CLBA1: variants seen among roughly 807,000 people sequenced by gnomAD.
CLBA1 encodes uncharacterized protein CLBA1.
In CLBA1, 30 loss-of-function variants were observed where a neutral mutation model predicts 28.8. The ratio of observed to expected loss-of-function variants is 1.04; its 90% confidence interval spans 0.78 to 1.41. The LOEUF is 1.41. Among genes scored for constraint, CLBA1 ranks in the 40% most tolerant of loss-of-function variants. The pLI is 0.00. For synonymous variants in CLBA1, 160 were observed against 152.8 expected (o/e 1.05, Z -0.35); for missense variants, 451 against 412.3 (o/e 1.09, Z -0.81).
At position 104,986,199 on chromosome 14, in the gene CLBA1, AG is replaced by A. The variant is rs1227966265; in HGVS notation, c.-231del. The A allele has an allele frequency of 1.7e-6, 1 of 574,734 alleles. No individual in the cohort carries two copies. Among genetic ancestry groups the A allele is most frequent in the Non-Finnish European group, 3.1e-6 (1 of 321,900 alleles). 35.6% of individuals were successfully genotyped at this position (574,734 alleles called of 1,614,324 possible). A position where few individuals can be genotyped will look rare whatever the true frequency, so the allele number is the denominator to read the frequency against. On this transcript the variant is annotated 5_prime_UTR_variant, in exon 1 of 5. Transcript: ENST00000547315. ...CGGACTCCGCGCCCGCCTGCGTGGG[AG>A]GAAGCCAGGACTCCCGGGCGACCGG...
chr14:104,986,551 G>T lies in CLBA1; in HGVS notation c.120G>T (p.Arg40=), dbSNP rs771819141. The change falls in exon 1 of 5, where the codon CGG becomes CGT. Residue 40 remains arginine, a synonymous_variant. Coordinates refer to ENST00000547315, the MANE Select transcript of CLBA1 (RefSeq NM_174891.4). ...RLSDDSLEWR[R]TCPDLLLSDG... ...GTGATGACAGTTTGGAATGGAGACG[G>T]ACCTGCCCCGACCTTCTCCTGTCCG... 2 of 1,614,016 alleles carry T rather than the reference G, an allele frequency of 1.2e-6. No individual in the cohort carries two copies.
intron 1 of CLBA1, among the ~76,000 whole-genome samples, chr14:104,988,506 A>G (rs1319985308): frequency 6.6e-6 from 1 of 151,844 alleles, no homozygotes; most frequent in Non-Finnish European, 1.5e-5. Context: ...CACCCAGCTA[A>G]TTTTTGTATT....
At chr14:104,998,074 A>G (rs1900186610), downstream of CLBA1, among the ~76,000 whole-genome samples, 1 of 152,028 alleles carries the variant, frequency 6.6e-6, no homozygotes, top group Non-Finnish European at 1.5e-5. Flanking sequence ...ATCAGCCAGG[A>G]TACAGAAACC....
At chr14:104,992,218 T>C (rs35153311) in intron 3 of CLBA1, among the ~76,000 whole-genome samples, 26,299 of 138,044 alleles carry the variant, frequency 0.19, 2,527 homozygotes, top group African/African-American at 0.26. Context: ...ACCACTCACA[T>C]GCCGCCACGC....
At chr14:104,996,129 G>A (rs1900151607), downstream of CLBA1, among the ~76,000 whole-genome samples, 1 of 152,196 alleles carries the variant, frequency 6.6e-6, no homozygotes, top group African/African-American at 2.4e-5. Flanking sequence ...CTGGATGTTG[G>A]TGACCCACAG....
At position 104,985,791 on chromosome 14, in the gene CLBA1, C is replaced by A; in HGVS notation, c.-641C>A. 3.7e-6 allele frequency: 1 copy of A among 268,580 alleles called. No individual in the cohort carries two copies. The highest frequency in any genetic ancestry group is 7.8e-6 in the Non-Finnish European group (1 of 127,688). 16.6% of individuals were successfully genotyped at this position (268,580 alleles called of 1,614,324 possible). On this transcript the variant is annotated 5_prime_UTR_variant, in exon 1 of 5. Transcript: ENST00000547315. The stretch of plus-strand genomic sequence containing the variant: ...GGAGCTGGCGCACGCCGTTGCCAGG[C>A]AACGGGGCGGCGCAGGCAGGAGGGA...
Position 105,000,609 on chromosome 14 carries a change from T to TTA in CLBA1, n.216+7554_216+7555dup, listed in dbSNP as rs543139173. Among the ~76,000 whole-genome samples, 60 of 152,112 alleles carry TTA rather than the reference T, an allele frequency of 3.9e-4. 1 individual carries two copies. In the South Asian group the frequency reaches 0.012, roughly 31 times the overall value. ...TCCAAAAATATATATATATCTATTTTTATATATATACACACACACAAATGA... is the reference window on the plus strand; with the variant it reads ...TCCAAAAATATATATATATCTATTTTTATATATATATACACACACACAAATGA... On this transcript the variant is annotated intron_variant and non_coding_transcript_variant, in intron 2 of 2. Transcript: ENST00000548178.
Position 104,991,639 on chromosome 14 carries a change from C to T in CLBA1, c.699+19C>T, listed in dbSNP as rs1303814832. 17 of 1,596,000 alleles carry T rather than the reference C, an allele frequency of 1.1e-5. No homozygotes were observed. Among genetic ancestry groups the T allele is most frequent in the Admixed American group, 1.7e-5 (1 of 57,740 alleles). On this transcript the variant is annotated intron_variant, in intron 3 of 4. Coordinates refer to ENST00000547315, the MANE Select transcript of CLBA1 (RefSeq NM_174891.4). Reference sequence around the variant, plus strand: ...GCAGAAGGTAGGCGGTTTGGGTTGACACAGGGCTCCTGGGAGTGTGGTTGA... The same window carrying T: ...GCAGAAGGTAGGCGGTTTGGGTTGATACAGGGCTCCTGGGAGTGTGGTTGA...
At chr14:104,999,563 A>G (rs1900228299), downstream of CLBA1, 1 of 152,292 alleles carries the variant, frequency 6.6e-6, no homozygotes, top group Admixed American at 6.5e-5. Flanking sequence ...CAGTGGCCTG[A>G]CAGATCCCAG....
In CLBA1 at chr14:104,986,520, G is replaced by A. The variant is rs1899866049; in HGVS notation, c.89G>A (p.Arg30Lys). The A allele has an allele frequency of 1.9e-6, 3 of 1,613,924 alleles. No individual in the cohort carries two copies. The highest frequency in any genetic ancestry group is 1.7e-6 in the Non-Finnish European group (2 of 1,180,024). Reference protein sequence around the residue: ...ASASLRVAPERLSDDSLEWRR... With the variant: ...ASASLRVAPEKLSDDSLEWRR... ...GCTTCCCTCCGAGTGGCACCTGAGAGGCTGAGTGATGACAGTTTGGAATGG... is the reference window on the plus strand; with the variant it reads ...GCTTCCCTCCGAGTGGCACCTGAGAAGCTGAGTGATGACAGTTTGGAATGG... Residue 30 changes from arginine to lysine, a missense_variant, in exon 1 of 5, where the codon AGG (arginine) becomes AAG (lysine). Coordinates refer to ENST00000547315, the MANE Select transcript of CLBA1 (RefSeq NM_174891.4).
intron 2 of CLBA1, among the ~76,000 whole-genome samples, chr14:105,001,083 AAAAAAATG>A (rs1900258315): frequency 6.6e-6 from 1 of 151,710 alleles, no homozygotes; most frequent in Non-Finnish European, 1.5e-5. Flanking sequence ...AAAAAAAAAA[AAAAAAATG>A]AAATCCTCTC....
chr14:104,991,402 G>C, intron 2 of CLBA1, 89 bp from the exon 3 acceptor site: 1 of 1,534,360 alleles, frequency 6.5e-7, no homozygotes, highest in Non-Finnish European at 8.9e-7. Flanking sequence ...GTAAAGGCCA[G>C]GCGCCCCGCT....
downstream of CLBA1, chr14:104,999,105 T>C (rs1900217896): frequency 1.7e-6 from 1 of 579,744 alleles, no homozygotes. Context: ...AGGCTTGCAT[T>C]GAGGCTGACA....
Position 104,994,687 on chromosome 14 carries a change from C to T in CLBA1, c.906C>T (p.Ile302=), listed in dbSNP as rs761723389. ...KTPSCGGGQH[I]TIPRKRMFTP... is the part of the protein sequence containing the mutation. Reference sequence around the variant, plus strand: ...CCTCATGCGGAGGTGGCCAGCACATCACTATTCCAAGGAAAAGGATGTTCA... The same window carrying T: ...CCTCATGCGGAGGTGGCCAGCACATTACTATTCCAAGGAAAAGGATGTTCA... Residue 302 remains isoleucine, a synonymous_variant, in exon 5 of 5, where the codon ATC becomes ATT. Transcript: ENST00000547315. 6.8e-6 allele frequency: 11 copies of T among 1,613,956 alleles called. No individual in the cohort carries two copies. In the Admixed American group the frequency reaches 1.8e-4, roughly 27 times the overall value.
chr14:104,989,404 G>C, intron 2 of CLBA1: 2 of 398,550 alleles, frequency 5.0e-6, no homozygotes, highest in South Asian at 4.0e-5. Flanking sequence ...AGTGCGAGTG[G>C]CTGGTGGGCC....
intron 1 of CLBA1, 103 bp from the exon 2 acceptor site, chr14:104,988,840 C>G (rs1899938608): frequency 1.7e-6 from 2 of 1,202,658 alleles, no homozygotes; most frequent in Admixed American, 4.8e-5. Flanking sequence ...ATGGTATGAT[C>G]AATTACAAAT....
At chr14:104,989,298 C>T (rs1899953949) in intron 2 of CLBA1, 2 of 540,304 alleles carry the variant, frequency 3.7e-6, no homozygotes, top group East Asian at 3.2e-5. Flanking sequence ...ATTCATCCTC[C>T]TCCCCAGCCA....
downstream of CLBA1, chr14:104,999,423 G>C (rs1900226081): frequency 1.2e-5 from 2 of 166,862 alleles, no homozygotes; most frequent in African/African-American, 4.9e-5. Flanking sequence ...AATGTCTGCA[G>C]TGATCCCACA....
In CLBA1 at chr14:104,994,663, C is replaced by T; in HGVS notation, c.882C>T (p.Pro294=). 6.2e-7 allele frequency: 1 copy of T among 1,614,032 alleles called. No homozygotes were observed. The change falls in exon 5 of 5, where the codon CCC becomes CCT. Residue 294 remains proline (P), a synonymous_variant. Transcript: ENST00000547315. ...CATGCAGCCGCTTCCTGAAGACCCC[C>T]TCATGCGGAGGTGGCCAGCACATCA... ...LMTCSRFLKT[P]SCGGGQHITI...
Sources: gnomAD v4.1 joint callset for allele counts (sites outside exome capture counted in the v4.1 genomes callset) on GRCh38, gnomAD v4.1.1 for gene constraint, MANE v1.5 for transcripts, NCBI Gene and HGNC (gene_info 2026-07-23, HGNC 2026-07-21) for gene names.